ITGAL: variants seen among roughly 807,000 people sequenced by gnomAD.
ITGAL encodes integrin alpha-L.
In ITGAL, 68 loss-of-function variants were observed where a neutral mutation model predicts 138.4. The ratio of observed to expected loss-of-function variants is 0.49; its 90% CI spans 0.40 to 0.60. The LOEUF is 0.60. Among genes scored for constraint, ITGAL ranks in the 20% least tolerant of loss-of-function variants. The pLI is 0.00. For missense variants in ITGAL, 1,256 were observed against 1,478.6 expected, an observed-to-expected ratio of 0.85 and a Z score of 2.47; for synonymous variants, 561 against 584.3, an observed-to-expected ratio of 0.96 and a Z score of 0.57.
In ITGAL at chr16:30,479,587, T is replaced by A. The variant is rs971487520; in HGVS notation, c.576+126T>A. 6 of 808,534 alleles carry A rather than the reference T, an allele frequency of 7.4e-6. No individual in the cohort carries two copies. The Admixed American group carries it at 1.0e-4, about 14-fold the overall frequency. The allele number at this position is 808,534 out of a possible 1,614,324, so 50.1% of individuals were successfully genotyped here. On this transcript the variant is annotated intron_variant, in intron 6 of 30. Coordinates refer to ENST00000356798, the MANE Select transcript of ITGAL (RefSeq NM_002209.3). ...CTATGGGCATGGCTATAACTGGGCC[T>A]CTGGAAGGGACAAGAACCAGGGAGT...
Position 30,506,859 on chromosome 16 carries a change from G to A in ITGAL, c.2508+3G>A, listed in dbSNP as rs780475248. ...TCCGCAAGGTGGAGATGCTGAAGGTGGGTGAGAGGACAGCGCCTGCCTGCG... is the reference window on the plus strand; with the variant it reads ...TCCGCAAGGTGGAGATGCTGAAGGTAGGTGAGAGGACAGCGCCTGCCTGCG... On this transcript the variant is annotated splice_donor_region_variant and intron_variant, in intron 21 of 30. Coordinates refer to ENST00000356798, the MANE Select transcript of ITGAL (RefSeq NM_002209.3). 1 of 1,613,756 alleles carries A rather than the reference G, an allele frequency of 6.2e-7. No individual in the cohort carries two copies. The highest frequency in any genetic ancestry group is 8.5e-7 in the Non-Finnish European group (1 of 1,179,758).
At chr16:30,473,355 C>T (rs1036801835) in intron 1 of ITGAL, among the ~76,000 whole-genome samples, 2 of 152,210 alleles carry the variant, frequency 1.3e-5, no homozygotes, top group African/African-American at 4.8e-5. Flanking sequence ...ATCATTTCAT[C>T]CCATGAGGCA....
intron 11 of ITGAL, among the ~76,000 whole-genome samples, chr16:30,493,302 C>T (rs531396758): frequency 1.3e-4 from 9 of 70,058 alleles, no homozygotes; most frequent in South Asian, 5.4e-4. Context: ...TATTTTGAGA[C>T]GGAGTCTCGC....
intron 11 of ITGAL, among the ~76,000 whole-genome samples, chr16:30,492,661 A>G (rs1033177453): frequency 1.3e-5 from 2 of 149,114 alleles, no homozygotes; most frequent in African/African-American, 5.0e-5. Flanking sequence ...GGTTCACGCC[A>G]TTCTCCTGCC....
At chr16:30,485,276 G>GGGTGCAGTGGCGCAGTCTCTGCTCACTGC (rs2050627210) in intron 9 of ITGAL, among the ~76,000 whole-genome samples, 1 of 144,834 alleles carries the variant, frequency 6.9e-6, no homozygotes, top group African/African-American at 2.6e-5. Context: ...GCCCAGGCTG[G>GGGTGCAGTGGCGCAGTCTCTGCTCACTGC]AGTGCAGTGG....
chr16:30,494,111 T>C lies in ITGAL; in HGVS notation c.1214-101T>C. 1 of 1,007,308 alleles carries C rather than the reference T, an allele frequency of 9.9e-7. No homozygotes were observed. 62.4% of individuals were successfully genotyped at this position (1,007,308 alleles called of 1,614,324 possible). On this transcript the variant is annotated intron_variant, in intron 11 of 30. Coordinates refer to ENST00000356798, the MANE Select transcript of ITGAL (RefSeq NM_002209.3). The surrounding 1 kb of genome is among the most constrained non-coding windows in gnomAD (Gnocchi z 4.2). ...AGGTCTTCAGCTGTTTCCATGCATC[T>C]CTGCTACTAACCCAATTCCCTGGGG...
intron 4 of ITGAL, chr16:30,477,402 CA>C (rs796794462): frequency 4.0e-5 from 6 of 151,576 alleles, no homozygotes; most frequent in African/African-American, 1.5e-4. Context: ...ATGTTTTTTT[CA>C]TTAGCTGGGC....
intron 7 of ITGAL, chr16:30,483,053 C>T (rs544185506): frequency 2.8e-4 from 42 of 152,202 alleles, no homozygotes; most frequent in African/African-American, 9.2e-4. Flanking sequence ...TCTGGAACTC[C>T]CAGGGCAGAA....
At chr16:30,495,642 C>G (rs941101577) in intron 13 of ITGAL, among the ~76,000 whole-genome samples, 4 of 151,868 alleles carry the variant, frequency 2.6e-5, no homozygotes, top group African/African-American at 9.7e-5. Flanking sequence ...CCAGCCTGGG[C>G]AACATGACAA....
chr16:30,517,602 A>G (rs1441171354), intron 26 of ITGAL, 47 bp from the exon 27 acceptor site: 2 of 1,539,194 alleles, frequency 1.3e-6, no homozygotes, highest in African/African-American at 1.4e-5. Context: ...CCAGTGTCTT[A>G]TCTGGGTTGG....
intron 1 of ITGAL, 52 bp downstream of exon 1, chr16:30,472,950 C>G: frequency 6.5e-7 from 1 of 1,547,284 alleles, no homozygotes; most frequent in Non-Finnish European, 8.9e-7. Context: ...ACCAGAGAAA[C>G]TGCAGGGCTT....
At chr16:30,477,839 T>C (rs1400764577) in intron 4 of ITGAL, among the ~76,000 whole-genome samples, 1 of 151,510 alleles carries the variant, frequency 6.6e-6, no homozygotes, top group East Asian at 1.9e-4. Flanking sequence ...TGAGCCATGA[T>C]TGTCCCACTG....
At chr16:30,501,004 CAA>C (rs753921620) in intron 17 of ITGAL, among the ~76,000 whole-genome samples, 8 of 134,258 alleles carry the variant, frequency 6.0e-5, no homozygotes, top group South Asian at 2.3e-4. Context: ...AACTCCATCT[CAA>C]AAAAAAAAAA....
At chr16:30,481,679 G>A (rs11574941) in intron 7 of ITGAL, 95 bp downstream of exon 7, 168,947 of 1,092,288 alleles carry the variant, frequency 0.15, 21,124 homozygotes, top group South Asian at 0.57. Flanking sequence ...CAGTAGGTAG[G>A]TACAGCAAGG....
At chr16:30,508,918 T>C (rs2051047489) in intron 21 of ITGAL, among the ~76,000 whole-genome samples, 1 of 152,080 alleles carries the variant, frequency 6.6e-6, no homozygotes, top group South Asian at 2.1e-4. Context: ...GGTTCACGCC[T>C]GTAATCCCAG....
At chr16:30,499,044 GGA>G in intron 15 of ITGAL, 28 bp from the exon 16 acceptor site, 1 of 1,607,010 alleles carries the variant, frequency 6.2e-7, no homozygotes, top group South Asian at 1.1e-5. Context: ...TGGGTTGGAG[GGA>G]GAGAGTTGGT....
At chr16:30,498,155 T>C (rs1329747633) in intron 15 of ITGAL, among the ~76,000 whole-genome samples, 2 of 149,896 alleles carry the variant, frequency 1.3e-5, no homozygotes, top group East Asian at 4.0e-4. Flanking sequence ...TGAAACCCCA[T>C]CTCTACTAAA....
intron 30 of ITGAL, 106 bp downstream of exon 30, chr16:30,520,073 A>G: frequency 1.3e-6 from 1 of 799,396 alleles, no homozygotes; most frequent in Non-Finnish European, 2.1e-6. Flanking sequence ...CATAAGAGCC[A>G]GGGGGCCTCA....
At position 30,484,275 on chromosome 16, in the gene ITGAL, G is replaced by A; in HGVS notation, c.1006+12G>A. 2 of 1,609,454 alleles carry A rather than the reference G, an allele frequency of 1.2e-6. No individual in the cohort carries two copies. Among genetic ancestry groups the A allele is most frequent in the Non-Finnish European group, 1.7e-6 (2 of 1,176,496 alleles). Reference sequence around the variant, plus strand: ...CTATGTCATTGAGGGTGAGTGGCAGGCCCTGGGAGAGGGCTCGGGAGTCTG... The same window carrying A: ...CTATGTCATTGAGGGTGAGTGGCAGACCCTGGGAGAGGGCTCGGGAGTCTG... On this transcript the variant is annotated intron_variant, in intron 9 of 30. Transcript: ENST00000356798.
Sources: allele counts gnomAD v4.1 joint callset (sites outside exome capture counted in the v4.1 genomes callset), GRCh38; gene constraint gnomAD v4.1.1; non-coding constraint Gnocchi (gnomAD v3.1); transcripts MANE v1.5; gene names NCBI Gene and HGNC (gene_info 2026-07-23, HGNC 2026-07-21).